The following PLCXD3 variants were observed in gnomAD, a reference collection of about 807,000 sequenced individuals.
PLCXD3 encodes PI-PLC X domain-containing protein 3.
Under a neutral mutation model 25.5 loss-of-function variants are expected in PLCXD3, and 19 were observed. That is an observed-to-expected ratio of 0.75 (90% CI 0.52 to 1.09). PLCXD3 has a LOEUF of 1.09. Among genes scored for constraint, PLCXD3 ranks in the 50% least tolerant of loss-of-function variants. The pLI, the probability that PLCXD3 is intolerant of heterozygous loss-of-function variation, is 0.00. For synonymous variants in PLCXD3, 174 were observed against 137.6 expected (o/e 1.26, Z -1.85); for missense variants, 411 against 388.1 (o/e 1.06, Z -0.50).
chr5:41,493,038 G>GT (rs1164919749), intron 1 of PLCXD3, among the ~76,000 whole-genome samples: 1 of 152,140 alleles, frequency 6.6e-6, no homozygotes, highest in East Asian at 1.9e-4. Flanking sequence ...TTTCTACTCT[G>GT]TTTTTTTCCC....
At chr5:41,398,573 A>G (rs1313108011) in intron 1 of PLCXD3, among the ~76,000 whole-genome samples, 1 of 152,230 alleles carries the variant, frequency 6.6e-6, no homozygotes, top group Non-Finnish European at 1.5e-5. Context: ...ATAGTTCAAC[A>G]TATGCAAATC....
chr5:41,429,150 A>G (rs982761902), intron 1 of PLCXD3, among the ~76,000 whole-genome samples: 1 of 152,204 alleles, frequency 6.6e-6, no homozygotes, highest in African/African-American at 2.4e-5. Context: ...ATTGTCAATC[A>G]CTAAAACAAA....
At chr5:41,385,175 A>G (rs1208718916) in intron 1 of PLCXD3, among the ~76,000 whole-genome samples, 2 of 152,114 alleles carry the variant, frequency 1.3e-5, no homozygotes, top group South Asian at 2.1e-4. Flanking sequence ...TTGAGAGGAA[A>G]AGCCTAACCT....
chr5:41,421,555 A>G (rs796128599), intron 1 of PLCXD3, among the ~76,000 whole-genome samples: 5 of 151,078 alleles, frequency 3.3e-5, no homozygotes, highest in African/African-American at 9.7e-5. Flanking sequence ...CAAAAAATTA[A>G]CCGGGCGCGG....
Position 41,447,196 on chromosome 5 carries a change from T to A in PLCXD3, c.103+63228A>T, listed in dbSNP as rs1452962797. On this transcript the variant is annotated intron_variant, in intron 1 of 2. Coordinates refer to ENST00000377801, the MANE Select transcript of PLCXD3 (RefSeq NM_001005473.3). ...TGTCTGATTATGATCAATTTGGTCA[T>A]GTTAATAGAGTTGTTGCCCTTTTTT... Among the ~76,000 whole-genome samples, 3 of 152,322 alleles carry A rather than the reference T, an allele frequency of 2.0e-5. No homozygotes were observed. The South Asian group carries it at 6.2e-4, about 32-fold the overall frequency.
chr5:41,344,386 T>C (rs538204422), intron 2 of PLCXD3, among the ~76,000 whole-genome samples: 1 of 152,256 alleles, frequency 6.6e-6, no homozygotes, highest in Non-Finnish European at 1.5e-5. Flanking sequence ...ATTTTTCAGT[T>C]ATTTTCCACA....
At position 41,421,979 on chromosome 5, in the gene PLCXD3, A is replaced by C. The variant is rs140841664; in HGVS notation, c.104-39445T>G. 8.7e-3 allele frequency among the ~76,000 whole-genome samples: 534 copies of C among 61,140 alleles called. 3 individuals carry two copies. Among genetic ancestry groups the C allele is most frequent in the African/African-American group, 0.034 (519 of 15,224 alleles). The allele number at this position is 61,140 out of a possible 152,430, so 40.1% of individuals were successfully genotyped here. ...TATCACTCAGAAATATAAACAACCT[A>C]GGTATTTCCATATATATATATATAT... On this transcript the variant is annotated intron_variant, in intron 1 of 2. Coordinates refer to ENST00000377801, the MANE Select transcript of PLCXD3 (RefSeq NM_001005473.3).
At chr5:41,350,448 T>C (rs1744426733) in intron 2 of PLCXD3, among the ~76,000 whole-genome samples, 2 of 152,176 alleles carry the variant, frequency 1.3e-5, no homozygotes, top group African/African-American at 4.8e-5. Context: ...CTTAGGATAT[T>C]AGGTTCTATT....
intron 1 of PLCXD3, among the ~76,000 whole-genome samples, chr5:41,493,721 C>T (rs1055144160): frequency 1.3e-5 from 2 of 152,184 alleles, no homozygotes; most frequent in African/African-American, 4.8e-5. Context: ...ACTCCGTGGG[C>T]ATTTAGGACC....
At chr5:41,475,410 A>T (rs1748258686) in intron 1 of PLCXD3, among the ~76,000 whole-genome samples, 1 of 152,100 alleles carries the variant, frequency 6.6e-6, no homozygotes, top group Non-Finnish European at 1.5e-5. Flanking sequence ...AGTCTCTACT[A>T]GTCTTTGCTA....
At position 41,394,091 on chromosome 5, in the gene PLCXD3, G is replaced by A. The variant is rs149110370; in HGVS notation, c.104-11557C>T. Among the ~76,000 whole-genome samples, 41 of 152,132 alleles carry A rather than the reference G, an allele frequency of 2.7e-4. No individual in the cohort carries two copies. In the East Asian group the frequency reaches 6.8e-3, roughly 25 times the overall value. On this transcript the variant is annotated intron_variant, in intron 1 of 2. Transcript: ENST00000377801. ...AATAATAACTACAACAATGTTTCAAGACATAGACAGTATAATAAAATATAA... is the reference window on the plus strand; with the variant it reads ...AATAATAACTACAACAATGTTTCAAAACATAGACAGTATAATAAAATATAA...
chr5:41,434,807 G>T (rs1463822452), intron 1 of PLCXD3, among the ~76,000 whole-genome samples: 2 of 152,108 alleles, frequency 1.3e-5, no homozygotes, highest in Non-Finnish European at 1.5e-5. Context: ...AGTAGGGGTG[G>T]GAGGGATTGT....
chr5:41,478,389 T>C (rs1042687056), intron 1 of PLCXD3, among the ~76,000 whole-genome samples: 2 of 152,226 alleles, frequency 1.3e-5, no homozygotes, highest in Non-Finnish European at 2.9e-5. Context: ...CATATAATCA[T>C]ACAGAGTTAA....
rs553194875 is a variant in PLCXD3 at position 41,503,511 on chromosome 5, G to A, written c.103+6913C>T. Among the ~76,000 whole-genome samples the A allele has an allele frequency of 1.1e-4, 16 of 152,186 alleles. No homozygotes were observed. The South Asian group carries it at 2.1e-3, about 20-fold the overall frequency. ...CCATCTGTTTCAGTACCTGACCTCCGGAGGTGACTAATCCTGGCTGCTTAG... is the reference window on the plus strand; with the variant it reads ...CCATCTGTTTCAGTACCTGACCTCCAGAGGTGACTAATCCTGGCTGCTTAG... On this transcript the variant is annotated intron_variant, in intron 1 of 2. Transcript: ENST00000377801.
chr5:41,338,888 C>T (rs1057501821), intron 2 of PLCXD3, among the ~76,000 whole-genome samples: 6 of 152,026 alleles, frequency 3.9e-5, no homozygotes, highest in South Asian at 4.1e-4. Flanking sequence ...AAGGGGTAAC[C>T]GGAAAATAAT....
At chr5:41,430,863 G>T (rs912687690) in intron 1 of PLCXD3, among the ~76,000 whole-genome samples, 32 of 151,864 alleles carry the variant, frequency 2.1e-4, no homozygotes, top group Admixed American at 2.0e-3. Context: ...GGAAAAACAG[G>T]AGAATTTGAT....
In PLCXD3 at chr5:41,495,777, T is replaced by G. The variant is rs182235840; in HGVS notation, c.103+14647A>C. Among the ~76,000 whole-genome samples the G allele has an allele frequency of 2.1e-3, 321 of 152,258 alleles. 1 individual carries two copies. The highest frequency in any genetic ancestry group is 7.2e-3 in the African/African-American group (297 of 41,528). ...TGATGAATGCCTTTCCCTTTACAAATCCAGTTTATAAAGATTATGAGAGGT... is the reference window on the plus strand; with the variant it reads ...TGATGAATGCCTTTCCCTTTACAAAGCCAGTTTATAAAGATTATGAGAGGT... On this transcript the variant is annotated intron_variant, in intron 1 of 2. Transcript: ENST00000377801.
At chr5:41,344,356 T>C (rs1247269407) in intron 2 of PLCXD3, among the ~76,000 whole-genome samples, 2 of 152,150 alleles carry the variant, frequency 1.3e-5, no homozygotes, top group African/African-American at 4.8e-5. Flanking sequence ...CTTATTCAAA[T>C]AAAAGGTAGA....
intron 1 of PLCXD3, among the ~76,000 whole-genome samples, chr5:41,438,784 T>C (rs1183277952): frequency 2.7e-5 from 4 of 147,562 alleles, no homozygotes; most frequent in Non-Finnish European, 4.5e-5. Context: ...TATTATTTAG[T>C]CCTTACCCTG....
Sources: allele counts gnomAD v4.1 joint callset (sites outside exome capture counted in the v4.1 genomes callset), GRCh38; gene constraint gnomAD v4.1.1; transcripts MANE v1.5; gene names NCBI Gene and HGNC (gene_info 2026-07-23, HGNC 2026-07-21).